The following PRRC1 variants were observed in gnomAD, a reference collection of about 807,000 sequenced individuals.
The protein encoded by PRRC1 is proline rich coiled-coil 1, also known as protein PRRC1.
In PRRC1, 39 loss-of-function variants were observed where a neutral mutation model predicts 40.7. The observed-to-expected ratio is 0.96, with a 90% CI of 0.74 to 1.25. PRRC1 has a LOEUF of 1.25. Among genes scored for constraint, PRRC1 ranks in the 50% most tolerant of loss-of-function variants. PRRC1 has a pLI of 0.00. For missense variants in PRRC1, 573 were observed against 548.3 expected (o/e 1.05, Z -0.45); for synonymous variants, 175 against 193.3 (o/e 0.91, Z 0.79).
intron 4 of PRRC1, among the ~76,000 whole-genome samples, chr5:127,530,030 T>C (rs1002735363): frequency 2.0e-5 from 3 of 152,072 alleles, no homozygotes; most frequent in African/African-American, 7.2e-5. Flanking sequence ...GTATATATAG[T>C]ATAGCATCCT....
At position 127,554,037 on chromosome 5, in the gene PRRC1, G is replaced by T; in HGVS notation, c.*2121G>T. ...GAGCATGACTGACTTCACATGCTCA[G>T]CTTTCTCAGCCTTTTGTTTATTTTG... On this transcript the variant is annotated 3_prime_UTR_variant, in exon 9 of 9. Transcript: ENST00000296666. 1 of 810,040 alleles carries T rather than the reference G, an allele frequency of 1.2e-6. No individual in the cohort carries two copies. Among genetic ancestry groups the T allele is most frequent in the Non-Finnish European group, 1.8e-6 (1 of 544,180 alleles). The allele number at this position is 810,040 out of a possible 1,614,324, so 50.2% of individuals were successfully genotyped here. A position where few individuals can be genotyped will look rare whatever the true frequency, so the allele number is the denominator to read the frequency against.
chr5:127,531,835 C>T (rs921720100), intron 5 of PRRC1, among the ~76,000 whole-genome samples: 12 of 151,284 alleles, frequency 7.9e-5, no homozygotes, highest in Non-Finnish European at 1.0e-4. Flanking sequence ...GGCTGGATAG[C>T]AGGCATTTTT....
intron 1 of PRRC1, among the ~76,000 whole-genome samples, chr5:127,519,872 C>G (rs999590341): frequency 1.3e-5 from 2 of 152,166 alleles, no homozygotes; most frequent in African/African-American, 4.8e-5. Context: ...CCATCCGACT[C>G]CCCCAGAAAG....
chr5:127,542,470 G>C (rs930065188), intron 7 of PRRC1, among the ~76,000 whole-genome samples: 1 of 152,010 alleles, frequency 6.6e-6, no homozygotes, highest in African/African-American at 2.4e-5. Flanking sequence ...TGTTGACAGT[G>C]GGGTGTTAAA....
chr5:127,554,079 C>CTGT lies in PRRC1; in HGVS notation c.*2167_*2169dup. 1.6e-6 allele frequency: 1 copy of CTGT among 610,508 alleles called. No homozygotes were observed. The highest frequency in any genetic ancestry group is 1.9e-5 in the African/African-American group (1 of 53,310). 37.8% of individuals were successfully genotyped at this position (610,508 alleles called of 1,614,324 possible). ...TTTATTTTGTTGTCCTTAGATTTCCCTGTTGTAAAAGGGGCAAGAAAAGTA... is the reference window on the plus strand; with the variant it reads ...TTTATTTTGTTGTCCTTAGATTTCCCTGTTGTTGTAAAAGGGGCAAGAAAAGTA... On this transcript the variant is annotated 3_prime_UTR_variant, in exon 9 of 9. Transcript: ENST00000296666.
At chr5:127,522,905 G>A (rs1767497407) in intron 1 of PRRC1, among the ~76,000 whole-genome samples, 1 of 151,704 alleles carries the variant, frequency 6.6e-6, no homozygotes, top group Non-Finnish European at 1.5e-5. Context: ...CAAAGTCCTG[G>A]GATTTCAGAC....
rs1033252135 is a variant in PRRC1 at position 127,553,123 on chromosome 5, A to G, written c.*1207A>G. ...TAGTTTCTTATATAAATGTAATTTA[A>G]TTTTTTTACTCTTCTATACAGTTCT... is the stretch of plus-strand genomic sequence containing the variant. On this transcript the variant is annotated 3_prime_UTR_variant, in exon 9 of 9. Transcript: ENST00000296666. 1.8e-5 allele frequency: 17 copies of G among 940,690 alleles called. No homozygotes were observed. The highest frequency in any genetic ancestry group is 1.9e-5 in the Non-Finnish European group (15 of 789,862). The allele number at this position is 940,690 out of a possible 1,614,324, so 58.3% of individuals were successfully genotyped here.
At position 127,552,046 on chromosome 5, in the gene PRRC1, AT is replaced by A; in HGVS notation, c.*135del. On this transcript the variant is annotated 3_prime_UTR_variant, in exon 9 of 9. Transcript: ENST00000296666. ...TTTTATCATTTTCCTGTAGCCTGCA[AT>A]TTTTCTTTCTCTAGAAAGGCATCAT... 1 of 1,453,200 alleles carries A rather than the reference AT, an allele frequency of 6.9e-7. No homozygotes were observed. The highest frequency in any genetic ancestry group is 9.1e-7 in the Non-Finnish European group (1 of 1,103,108). The allele number at this position is 1,453,200 out of a possible 1,614,324, so 90.0% of individuals were successfully genotyped here. A position where few individuals can be genotyped will look rare whatever the true frequency, so the allele number is the denominator to read the frequency against.
rs1459442702 is a variant in PRRC1, at chr5:127,530,391, A to C, written c.752A>C (p.Tyr251Ser). The change falls in exon 5 of 9, where the codon TAT (tyrosine) becomes TCT (serine). Residue 251 changes from tyrosine (Y) to serine (S), a missense_variant. Physicochemically the swap from Tyr to Ser is moderately radical, Grantham distance 144. Transcript: ENST00000296666. ...ACGCTGGACCCTGGCATGGCTCCCT[A>C]TATCAGTATGTACATAAGTTAGACC... The part of the protein sequence containing the change: ...ITTLDPGMAP[Y>S]IKSGGELDIV... 6 of 1,612,364 alleles carry C rather than the reference A, an allele frequency of 3.7e-6. No homozygotes were observed. The highest frequency in any genetic ancestry group is 5.1e-6 in the Non-Finnish European group (6 of 1,178,710).
intron 8 of PRRC1, 187 bp from the exon 9 acceptor site, chr5:127,551,520 G>T (rs1479408289): frequency 4.9e-6 from 3 of 616,716 alleles, no homozygotes; most frequent in Non-Finnish European, 8.4e-6. Flanking sequence ...AAATAGATGT[G>T]TGTAATGTTA....
At chr5:127,520,194 A>G (rs1767423132) in intron 1 of PRRC1, among the ~76,000 whole-genome samples, 1 of 152,198 alleles carries the variant, frequency 6.6e-6, no homozygotes, top group Non-Finnish European at 1.5e-5. Context: ...GTAGCCCTCT[A>G]GTAGTGACAA....
At chr5:127,531,535 A>G (rs968439311) in intron 5 of PRRC1, among the ~76,000 whole-genome samples, 1 of 150,986 alleles carries the variant, frequency 6.6e-6, no homozygotes, top group Non-Finnish European at 1.5e-5. Context: ...TGGCTGTACT[A>G]TGTTAGACTA....
At chr5:127,544,740 A>G (rs988598018) in intron 7 of PRRC1, among the ~76,000 whole-genome samples, 1 of 152,168 alleles carries the variant, frequency 6.6e-6, no homozygotes, top group African/African-American at 2.4e-5. Context: ...GGAAAAGCAC[A>G]GTATTTGGGT....
In PRRC1 at chr5:127,521,241, C is replaced by T. The variant is rs534726578; in HGVS notation, c.-20-2219C>T. Among the ~76,000 whole-genome samples the T allele has an allele frequency of 2.6e-5, 4 of 152,308 alleles. No homozygotes were observed. The South Asian group carries it at 6.2e-4, about 24-fold the overall frequency. ...ATCCCCTTCTAGCCTCTATCAACTG[C>T]TCTGACCTTAGTCACCCTTGGTCAC... is the stretch of plus-strand genomic sequence containing the variant. On this transcript the variant is annotated intron_variant, in intron 1 of 8. Coordinates refer to ENST00000296666, the MANE Select transcript of PRRC1 (RefSeq NM_130809.5).
chr5:127,539,878 A>C (rs233024), intron 7 of PRRC1, among the ~76,000 whole-genome samples: 48,576 of 151,996 alleles, frequency 0.32, 8,029 homozygotes, highest in East Asian at 0.55. Flanking sequence ...AATTGTAAAA[A>C]GGAAACATAA....
At position 127,553,489 on chromosome 5, in the gene PRRC1, T is replaced by C. The variant is rs397415; in HGVS notation, c.*1573T>C. 0.3 allele frequency: 343,582 copies of C among 1,131,748 alleles called. 53,675 individuals carry two copies. Among genetic ancestry groups the C allele is most frequent in the East Asian group, 0.54 (6,912 of 12,844 alleles). 70.1% of individuals were successfully genotyped at this position (1,131,748 alleles called of 1,614,324 possible). A position where few individuals can be genotyped will look rare whatever the true frequency, so the allele number is the denominator to read the frequency against. On this transcript the variant is annotated 3_prime_UTR_variant, in exon 9 of 9. Coordinates refer to ENST00000296666, the MANE Select transcript of PRRC1 (RefSeq NM_130809.5). ...TAACAGGGACAGAATACTTTCTTTC[T>C]TTCCTTCAAGTACAAGAAGGCTTTC...
intron 8 of PRRC1, chr5:127,549,365 A>T (rs1768312526): frequency 6.6e-6 from 1 of 152,228 alleles, no homozygotes; most frequent in Non-Finnish European, 1.5e-5. Flanking sequence ...TAAAATTCAG[A>T]AATGTATTAG....
intron 7 of PRRC1, 51 bp downstream of exon 7, chr5:127,539,194 T>G (rs996166282): frequency 1.9e-5 from 26 of 1,392,132 alleles, no homozygotes; most frequent in Non-Finnish European, 2.6e-5. Context: ...GGTCTGGGAG[T>G]TGACACTGAA....
In PRRC1 at chr5:127,553,560, A is replaced by C; in HGVS notation, c.*1644A>C. 3 of 1,245,080 alleles carry C rather than the reference A, an allele frequency of 2.4e-6. No homozygotes were observed. The highest frequency in any genetic ancestry group is 3.0e-6 in the Non-Finnish European group (3 of 987,138). 77.1% of individuals were successfully genotyped at this position (1,245,080 alleles called of 1,614,324 possible). On this transcript the variant is annotated 3_prime_UTR_variant, in exon 9 of 9. Coordinates refer to ENST00000296666, the MANE Select transcript of PRRC1 (RefSeq NM_130809.5). ...TTTATTTTAAAAGCTATCCTTTTCT[A>C]GTAGTATTTTATCATGGCAATGGCA...
Sources: gnomAD v4.1 joint callset for allele counts (sites outside exome capture counted in the v4.1 genomes callset) on GRCh38, gnomAD v4.1.1 for gene constraint, MANE v1.5 for transcripts, NCBI Gene and HGNC (gene_info 2026-07-23, HGNC 2026-07-21) for gene names.